Variants in XIRP2 observed in about 807,000 individuals in gnomAD.
XIRP2 encodes the protein xin actin binding repeat containing 2.
In XIRP2, 236 loss-of-function variants were observed where a neutral mutation model predicts 277.0. The ratio of observed to expected loss-of-function variants is 0.85; its 90% CI spans 0.77 to 0.95. XIRP2 has a LOEUF of 0.95. Among genes scored for constraint, XIRP2 ranks in the 40% least tolerant of loss-of-function variants. The pLI is 0.00. For synonymous variants in XIRP2, 1,490 were observed against 1,416.5 expected (o/e 1.05, Z -1.17); for missense variants, 4,640 against 4,157.5 (o/e 1.12, Z -3.19).
intron 2 of XIRP2, among the ~76,000 whole-genome samples, chr2:166,923,085 A>T (rs1685098058): frequency 6.6e-6 from 1 of 152,102 alleles, no homozygotes; most frequent in Admixed American, 6.6e-5. Context: ...TAAAGAATGA[A>T]CTACTAAGAA....
intron 1 of XIRP2, among the ~76,000 whole-genome samples, chr2:166,895,489 G>A (rs75313428): frequency 0.037 from 5,703 of 152,198 alleles, 147 homozygotes; most frequent in Non-Finnish European, 0.058. Context: ...CCCAACAACA[G>A]GTCTCTGGAT....
At chr2:167,233,682 CTG>C (rs1369750609) in intron 5 of XIRP2, among the ~76,000 whole-genome samples, 11 of 151,844 alleles carry the variant, frequency 7.2e-5, no homozygotes, top group African/African-American at 2.6e-4. Context: ...CATGTTACCT[CTG>C]TTTTTCTTTT....
At chr2:167,210,993 G>T (rs1227229710) in intron 4 of XIRP2, 98 bp downstream of exon 4, 2 of 1,434,790 alleles carry the variant, frequency 1.4e-6, no homozygotes, top group East Asian at 2.4e-5. Flanking sequence ...CTGGACAGGG[G>T]GCTAAAGTAG....
At chr2:167,016,613 G>C (rs1260855492) in intron 2 of XIRP2, among the ~76,000 whole-genome samples, 1 of 151,930 alleles carries the variant, frequency 6.6e-6, no homozygotes, top group Non-Finnish European at 1.5e-5. Flanking sequence ...TCCTATGTTA[G>C]TTTAGGTCCT....
Position 167,245,198 on chromosome 2 carries a change from G to A in XIRP2, c.3806G>A (p.Gly1269Asp), listed in dbSNP as rs772586828. Residue 1269 changes from glycine (G) to aspartate (D), a missense_variant, in exon 9 of 11, where the codon GGT becomes GAT. Coordinates refer to ENST00000409195, the MANE Select transcript of XIRP2 (RefSeq NM_152381.6). ...ECVKTVTDIQ[G>D]GDVRKGCFIF... ...GTTAAGACGGTGACAGACATACAAG[G>A]TGGGGATGTAAGAAAGGGGTGCTTT... is the stretch of plus-strand genomic sequence containing the variant. 1.2e-6 allele frequency: 2 copies of A among 1,613,732 alleles called. 1 individual carries two copies. Among genetic ancestry groups the A allele is most frequent in the South Asian group, 2.2e-5 (2 of 91,074 alleles).
intron 3 of XIRP2, among the ~76,000 whole-genome samples, chr2:167,155,081 A>C (rs377611592): frequency 9.9e-5 from 15 of 151,216 alleles, no homozygotes; most frequent in African/African-American, 3.7e-4. Flanking sequence ...CAATAACAGG[A>C]TCTGAAATTG....
chr2:167,250,339 A>G lies in XIRP2; in HGVS notation c.8947A>G (p.Ile2983Val). Residue 2983 changes from isoleucine (I) to valine (V), a missense_variant, in exon 9 of 11, where the codon ATC (isoleucine) becomes GTC (valine). By Grantham distance (29) the Ile-to-Val change is conservative. Transcript: ENST00000409195. ...AACATTTCAGACACTATTAAATACT[A>G]TCCCAGGATGGCTGATAAGTGAAGA... The part of the protein sequence containing the change: ...LKTFQTLLNT[I>V]PGWLISEDKR... The G allele has an allele frequency of 6.2e-7, 1 of 1,613,608 alleles. No individual in the cohort carries two copies. The highest frequency in any genetic ancestry group is 1.1e-5 in the South Asian group (1 of 91,064).
chr2:166,954,011 AT>A (rs1342721744), intron 2 of XIRP2, among the ~76,000 whole-genome samples: 2 of 151,918 alleles, frequency 1.3e-5, no homozygotes, highest in East Asian at 3.9e-4. Context: ...GTTACATTTT[AT>A]TTTTTGATTA....
At chr2:167,146,582 G>A (rs1691871838) in intron 3 of XIRP2, among the ~76,000 whole-genome samples, 2 of 151,878 alleles carry the variant, frequency 1.3e-5, no homozygotes, top group East Asian at 3.9e-4. Flanking sequence ...ATGCAAATAT[G>A]AAAGAAAGAT....
chr2:166,914,977 GTTTA>G (rs1043715724), intron 2 of XIRP2, among the ~76,000 whole-genome samples: 1 of 151,982 alleles, frequency 6.6e-6, no homozygotes, highest in Non-Finnish European at 1.5e-5. Context: ...AGAAGAAGAA[GTTTA>G]TTTGTTTGTT....
Position 167,247,430 on chromosome 2 carries a change from G to A in XIRP2, c.6038G>A (p.Arg2013Lys). 6.2e-7 allele frequency: 1 copy of A among 1,613,614 alleles called. No homozygotes were observed. Among genetic ancestry groups the A allele is most frequent in the Non-Finnish European group, 8.5e-7 (1 of 1,179,732 alleles). ...KSCHGNLVEE[R>K]TEVNLPKAPK... Reference sequence around the variant, plus strand: ...TGCCATGGCAATTTAGTAGAAGAAAGAACTGAGGTTAATCTTCCAAAAGCC... The same window carrying A: ...TGCCATGGCAATTTAGTAGAAGAAAAAACTGAGGTTAATCTTCCAAAAGCC... Residue 2013 changes from arginine (R) to lysine (K), a missense_variant, in exon 9 of 11, where the codon AGA becomes AAA. Physicochemically the swap from Arg to Lys is conservative, Grantham distance 26 (BLOSUM62 2). Transcript: ENST00000409195.
At chr2:166,930,158 A>G (rs760505027) in intron 2 of XIRP2, among the ~76,000 whole-genome samples, 4 of 152,156 alleles carry the variant, frequency 2.6e-5, no homozygotes, top group Non-Finnish European at 5.9e-5. Flanking sequence ...AGTGAGATCT[A>G]GATTATGTTT....
chr2:166,928,591 C>A (rs1030596002), intron 2 of XIRP2, among the ~76,000 whole-genome samples: 2 of 152,104 alleles, frequency 1.3e-5, no homozygotes, highest in African/African-American at 2.4e-5. Context: ...AAGAGGACAT[C>A]AGATGTATAT....
chr2:167,123,370 T>G (rs2105306503), intron 2 of XIRP2, among the ~76,000 whole-genome samples: 1 of 152,296 alleles, frequency 6.6e-6, no homozygotes, highest in African/African-American at 2.4e-5. Context: ...AGAAACTTAC[T>G]TTAATAGATA....
At chr2:167,156,004 C>G (rs1354137892) in intron 3 of XIRP2, among the ~76,000 whole-genome samples, 2 of 150,258 alleles carry the variant, frequency 1.3e-5, no homozygotes, top group East Asian at 3.9e-4. Context: ...ACAATTGCTT[C>G]AAAGAGAATA....
intron 3 of XIRP2, among the ~76,000 whole-genome samples, chr2:167,147,053 T>G (rs1558996644): frequency 1.3e-5 from 2 of 152,182 alleles, no homozygotes; most frequent in African/African-American, 4.8e-5. Context: ...ACACACATGT[T>G]AAAACAAACC....
chr2:167,197,048 C>A (rs1461958365), intron 3 of XIRP2, among the ~76,000 whole-genome samples: 1 of 152,136 alleles, frequency 6.6e-6, no homozygotes, highest in Non-Finnish European at 1.5e-5. Context: ...TGGCAGAAAG[C>A]CCAAAATTGA....
chr2:167,170,528 G>GT (rs1333080707), intron 3 of XIRP2, among the ~76,000 whole-genome samples: 1 of 152,070 alleles, frequency 6.6e-6, no homozygotes, highest in East Asian at 1.9e-4. Flanking sequence ...TGTGTTGCTT[G>GT]TGATTAGTGG....
intron 3 of XIRP2, among the ~76,000 whole-genome samples, chr2:167,197,532 A>G (rs1002683936): frequency 1.3e-5 from 2 of 152,150 alleles, no homozygotes. Flanking sequence ...AAAAACAGAA[A>G]TTTAGTAACC....
Sources: allele counts gnomAD v4.1 joint callset (sites outside exome capture counted in the v4.1 genomes callset), GRCh38; gene constraint gnomAD v4.1.1; transcripts MANE v1.5; gene names NCBI Gene and HGNC (gene_info 2026-07-23, HGNC 2026-07-21).